IQCH: variants seen among roughly 807,000 people sequenced by gnomAD.
IQCH encodes the protein IQ domain-containing protein H.
In IQCH, 98 loss-of-function variants were observed where a neutral mutation model predicts 117.0. The observed-to-expected ratio is 0.84, with a 90% CI of 0.71 to 0.99. The LOEUF (loss-of-function observed/expected upper bound fraction) is 0.99. Among genes scored for constraint, IQCH ranks in the 50% least tolerant of loss-of-function variants. The pLI is 0.00. For missense variants in IQCH, 1,102 were observed against 1,243.8 expected (o/e 0.89, Z 1.72); for synonymous variants, 412 against 448.2 (o/e 0.92, Z 1.02).
At chr15:67,471,888 A>G (rs190273520) in intron 17 of IQCH, among the ~76,000 whole-genome samples, 43 of 152,290 alleles carry the variant, frequency 2.8e-4, no homozygotes, top group African/African-American at 1.0e-3. Flanking sequence ...TCTTGTAAGT[A>G]TTATTCTAAT....
rs144170536 is a variant in IQCH, at chr15:67,312,053, A to G, written c.388-24922A>G. Among the ~76,000 whole-genome samples the G allele has an allele frequency of 1.8e-3, 272 of 152,214 alleles. 1 individual carries two copies. The highest frequency in any genetic ancestry group is 5.2e-3 in the Admixed American group (79 of 15,274). Reference sequence around the variant, plus strand: ...TTACTTTGTGCCTTTTCACTTTATGACTTGGGCCTTGAACTTGAGTATTTG... The same window carrying G: ...TTACTTTGTGCCTTTTCACTTTATGGCTTGGGCCTTGAACTTGAGTATTTG... On this transcript the variant is annotated intron_variant, in intron 4 of 20. Transcript: ENST00000335894.
At chr15:67,301,331 G>T (rs867905694) in intron 4 of IQCH, among the ~76,000 whole-genome samples, 2 of 150,574 alleles carry the variant, frequency 1.3e-5, no homozygotes, top group South Asian at 4.2e-4. Context: ...CACTATAGAT[G>T]GTTCGTAAGA....
chr15:67,284,382 C>T (rs4410029), intron 4 of IQCH, among the ~76,000 whole-genome samples: 151,401 of 152,314 alleles, frequency 0.99, 75,258 homozygotes, highest in Non-Finnish European at 1. Flanking sequence ...ATCTCATTCT[C>T]TTTTGTGGCT....
rs1406348237 is a variant in IQCH at position 67,447,838 on chromosome 15, C to T, written c.2506-17289C>T. 6.6e-6 allele frequency among the ~76,000 whole-genome samples: 1 copy of T among 152,188 alleles called. No homozygotes were observed. Among genetic ancestry groups the T allele is most frequent in the East Asian group, 1.9e-4 (1 of 5,200 alleles). ...ACAGCTTGCGTTTTAGAAAGTGGCA[C>T]TGTCCTCAGAGCTGAGTCTTTATGC... is the stretch of plus-strand genomic sequence containing the variant. On this transcript the variant is annotated intron_variant, in intron 16 of 20. Coordinates refer to ENST00000335894, the MANE Select transcript of IQCH (RefSeq NM_001031715.3). The surrounding 1 kb of genome is among the most constrained non-coding windows in gnomAD (Gnocchi z 5.3).
Position 67,443,274 on chromosome 15 carries a change from G to A in IQCH, c.2505+21697G>A, listed in dbSNP as rs555379771. Among the ~76,000 whole-genome samples the A allele has an allele frequency of 6.6e-6, 1 of 152,304 alleles. No individual in the cohort carries two copies. The highest frequency in any genetic ancestry group is 2.4e-5 in the African/African-American group (1 of 41,564). On this transcript the variant is annotated intron_variant, in intron 16 of 20. Transcript: ENST00000335894. This position sits in a 1 kb window ranked among gnomAD's most constrained non-coding sequence, Gnocchi z 5.0. Reference sequence around the variant, plus strand: ...CCCAAAGTGCTGGGATTACAGGCGTGAGCCACTGCGCCCAGCCTGGAGACT... The same window carrying A: ...CCCAAAGTGCTGGGATTACAGGCGTAAGCCACTGCGCCCAGCCTGGAGACT...
At chr15:67,263,931 T>G (rs1696796239) in intron 3 of IQCH, among the ~76,000 whole-genome samples, 1 of 152,230 alleles carries the variant, frequency 6.6e-6, no homozygotes, top group South Asian at 2.1e-4. Flanking sequence ...TAGATTAAGC[T>G]TTTGTACTAA....
chr15:67,357,247 A>G, intron 6 of IQCH, 98 bp from the exon 7 acceptor site: 2 of 788,974 alleles, frequency 2.5e-6, no homozygotes, highest in Non-Finnish European at 4.6e-6. Flanking sequence ...AGTGGGTGAC[A>G]GAGCCATTTG....
intron 16 of IQCH, among the ~76,000 whole-genome samples, chr15:67,423,426 G>A (rs2081800677): frequency 6.6e-6 from 1 of 151,800 alleles, no homozygotes; most frequent in South Asian, 2.1e-4. Flanking sequence ...AAAATTAGCC[G>A]GGCATAGTGG....
At chr15:67,444,243 G>A (rs1326107696) in intron 16 of IQCH, among the ~76,000 whole-genome samples, 1 of 152,160 alleles carries the variant, frequency 6.6e-6, no homozygotes, top group Non-Finnish European at 1.5e-5. Context: ...ATCATTAAAT[G>A]TTAATGACTA....
Position 67,457,745 on chromosome 15 carries a change from C to A in IQCH, c.2506-7382C>A, listed in dbSNP as rs1266715560. ...AAAGAAGTTGCTTAAGACCACAAGG[C>A]CAGCACTCCCAGCGAGGTCCTGTGA... On this transcript the variant is annotated intron_variant, in intron 16 of 20. Transcript: ENST00000335894. This position sits in a 1 kb window ranked among gnomAD's most constrained non-coding sequence, Gnocchi z 5.7. Among the ~76,000 whole-genome samples, 2 of 152,190 alleles carry A rather than the reference C, an allele frequency of 1.3e-5. No homozygotes were observed. Among genetic ancestry groups the A allele is most frequent in the Non-Finnish European group, 2.9e-5 (2 of 68,038 alleles).
At chr15:67,339,692 A>G (rs1261510664) in intron 5 of IQCH, among the ~76,000 whole-genome samples, 1 of 152,214 alleles carries the variant, frequency 6.6e-6, no homozygotes, top group Non-Finnish European at 1.5e-5. Flanking sequence ...AAATTCTTAC[A>G]ATCTTCTCCC....
rs772657769 is a variant in IQCH at position 67,263,156 on chromosome 15, A to G, written c.209A>G (p.Gln70Arg). 3.2e-6 allele frequency: 5 copies of G among 1,580,044 alleles called. No individual in the cohort carries two copies. In the Admixed American group the frequency reaches 6.7e-5, roughly 21 times the overall value. Reference sequence around the variant, plus strand: ...GAGAAGTATTTAAATGTTGTAAACCAGAATGTATTAACGACTTCTGTTAAT... The same window carrying G: ...GAGAAGTATTTAAATGTTGTAAACCGGAATGTATTAACGACTTCTGTTAAT... ...HIEKYLNVVN[Q>R]NVLTTSVNDE... The change falls in exon 3 of 21, where the codon CAG (glutamine) becomes CGG (arginine). Residue 70 changes from glutamine (Q) to arginine (R), a missense_variant. Transcript: ENST00000335894.
intron 10 of IQCH, among the ~76,000 whole-genome samples, chr15:67,377,115 C>CAAAAAAAAAAAAAAAAAAAA (rs5813442): frequency 3.7e-5 from 3 of 82,038 alleles, no homozygotes; most frequent in Non-Finnish European, 4.7e-5. Flanking sequence ...GACTCCATCT[C>CAAAAAAAAAAAAAAAAAAAA]AAAAAAAAAA....
Position 67,475,698 on chromosome 15 carries a change from G to A in IQCH, c.2679G>A (p.Met893Ile), listed in dbSNP as rs146237345. The stretch of plus-strand genomic sequence containing the variant: ...TATTCAGTTGTGCTCCTTTCCAGAT[G>A]CTGGCAACCAGTCGCTATGCAGTGA... The part of the protein sequence containing the change: ...TKCMSALSMP[M>I]LATSRYAVMT... The change falls in exon 18 of 21, where the codon ATG (methionine) becomes ATA (isoleucine). Residue 893 changes from methionine to isoleucine, a missense_variant and splice_region_variant. Physicochemically the swap from Met to Ile is conservative, Grantham distance 10. This residue lies in a region of IQCH where 650 missense variants were observed against 794.3 expected (regional missense o/e 0.82). Coordinates refer to ENST00000335894, the MANE Select transcript of IQCH (RefSeq NM_001031715.3). This position sits in a 1 kb window ranked among gnomAD's most constrained non-coding sequence, Gnocchi z 5.7. 422 of 1,613,528 alleles carry A rather than the reference G, an allele frequency of 2.6e-4. No homozygotes were observed. Among genetic ancestry groups the A allele is most frequent in the Non-Finnish European group, 3.4e-4 (407 of 1,179,780 alleles).
chr15:67,302,062 A>G (rs951431672), intron 4 of IQCH, among the ~76,000 whole-genome samples: 4 of 152,114 alleles, frequency 2.6e-5, no homozygotes, highest in African/African-American at 7.2e-5. Context: ...TTTCCTCCCT[A>G]CACCAGACCT....
chr15:67,372,892 T>C (rs1469679816), intron 9 of IQCH, among the ~76,000 whole-genome samples: 5 of 152,066 alleles, frequency 3.3e-5, no homozygotes, highest in Non-Finnish European at 7.4e-5. Context: ...GCAAAATCTG[T>C]TGCAATTTTT....
rs377256280 is a variant in IQCH, at chr15:67,331,427, A to G, written c.388-5548A>G. On this transcript the variant is annotated intron_variant, in intron 4 of 20. Coordinates refer to ENST00000335894, the MANE Select transcript of IQCH (RefSeq NM_001031715.3). ...GATATAAGGAAACAAATTGAATACCAGAATACTTTATGGAACTCATAAATA... is the reference window on the plus strand; with the variant it reads ...GATATAAGGAAACAAATTGAATACCGGAATACTTTATGGAACTCATAAATA... Among the ~76,000 whole-genome samples the G allele has an allele frequency of 7.2e-5, 11 of 152,348 alleles. No homozygotes were observed. The East Asian group carries it at 9.6e-4, about 13-fold the overall frequency.
intron 4 of IQCH, among the ~76,000 whole-genome samples, chr15:67,323,172 C>G (rs1262539465): frequency 2.0e-5 from 3 of 150,802 alleles, no homozygotes; most frequent in African/African-American, 7.3e-5. Flanking sequence ...AACTATCTTT[C>G]TATTTGTTTT....
rs911068592 is a variant in IQCH, at chr15:67,384,432, G to A, written c.1373-504G>A. The stretch of plus-strand genomic sequence containing the variant: ...TTGAAAGTTAAAAGTTCTTGTGACC[G>A]TGAGCAGAAGCTGATTTCTTTAGTA... On this transcript the variant is annotated intron_variant, in intron 10 of 20. Coordinates refer to ENST00000335894, the MANE Select transcript of IQCH (RefSeq NM_001031715.3). The surrounding 1 kb of genome is among the most constrained non-coding windows in gnomAD (Gnocchi z 4.3). 6.6e-5 allele frequency among the ~76,000 whole-genome samples: 10 copies of A among 152,030 alleles called. No homozygotes were observed. The highest frequency in any genetic ancestry group is 1.9e-4 in the African/African-American group (8 of 41,402).
Sources: gnomAD v4.1 joint callset for allele counts (sites outside exome capture counted in the v4.1 genomes callset) on GRCh38, gnomAD v4.1.1 for gene constraint, gnomAD v4.1.1 regional missense constraint, Gnocchi (gnomAD v3.1) non-coding constraint, MANE v1.5 for transcripts, NCBI Gene and HGNC (gene_info 2026-07-23, HGNC 2026-07-21) for gene names.